The following ANKS1B variants were observed in gnomAD, a reference collection of about 807,000 sequenced individuals.
The protein encoded by ANKS1B is ankyrin repeat and sterile alpha motif domain containing 1B.
A neutral mutation model predicts 148.3 loss-of-function variants in ANKS1B; 36 were observed. That is an observed-to-expected ratio of 0.24 (90% CI 0.19 to 0.32). The LOEUF is 0.32. ANKS1B is among the 10% of genes least tolerant of loss of function. The pLI is 1.00. For missense variants in ANKS1B, 1,157 were observed against 1,542.6 expected, an observed-to-expected ratio of 0.75 and a Z score of 4.19; for synonymous variants, 542 against 560.8, an observed-to-expected ratio of 0.97 and a Z score of 0.47.
At chr12:99,190,063 C>G (rs1450041101) in intron 14 of ANKS1B, among the ~76,000 whole-genome samples, 2 of 152,060 alleles carry the variant, frequency 1.3e-5, no homozygotes, top group Non-Finnish European at 2.9e-5. Flanking sequence ...AACAGAGAGG[C>G]AAATCATAAG....
intron 1 of ANKS1B, among the ~76,000 whole-genome samples, chr12:99,935,355 G>GAT (rs578228603): frequency 1.7e-5 from 1 of 60,324 alleles, no homozygotes; most frequent in Non-Finnish European, 3.8e-5. Context: ...GTAGATGCCT[G>GAT]ACAAAAAAAA....
At chr12:98,975,953 GAGT>G (rs1237399346) in intron 17 of ANKS1B, among the ~76,000 whole-genome samples, 2 of 152,162 alleles carry the variant, frequency 1.3e-5, no homozygotes, top group Non-Finnish European at 2.9e-5. Context: ...ACCACGTGCT[GAGT>G]AATCTACCCC....
chr12:99,805,241 T>C (rs181855845), intron 4 of ANKS1B, among the ~76,000 whole-genome samples: 177 of 41,764 alleles, frequency 4.2e-3, no homozygotes, highest in Admixed American at 0.014. Context: ...AGCCAAGAAA[T>C]AACCATGAAA....
At chr12:99,435,509 T>C (rs574931483) in intron 11 of ANKS1B, among the ~76,000 whole-genome samples, 2 of 152,126 alleles carry the variant, frequency 1.3e-5, no homozygotes, top group East Asian at 3.9e-4. Context: ...ATTTCAATTG[T>C]AGGCAAACAT....
intron 24 of ANKS1B, among the ~76,000 whole-genome samples, chr12:98,776,276 TTA>T (rs2098673418): frequency 6.6e-6 from 1 of 152,218 alleles, no homozygotes; most frequent in African/African-American, 2.4e-5. Context: ...TGTCATGCAT[TTA>T]TGAGTGGCTT....
chr12:99,424,536 A>G (rs2095192842), intron 11 of ANKS1B, among the ~76,000 whole-genome samples: 1 of 151,910 alleles, frequency 6.6e-6, no homozygotes, highest in Non-Finnish European at 1.5e-5. Flanking sequence ...GACAGGTTTG[A>G]AAAAAATAGA....
intron 22 of ANKS1B, among the ~76,000 whole-genome samples, chr12:98,789,557 A>C (rs2098829540): frequency 6.6e-6 from 1 of 152,114 alleles, no homozygotes. Flanking sequence ...TCTAGAAGGC[A>C]ATTTGGGAAT....
intron 9 of ANKS1B, among the ~76,000 whole-genome samples, chr12:99,653,519 T>C (rs2098435240): frequency 6.6e-6 from 1 of 152,168 alleles, no homozygotes; most frequent in Non-Finnish European, 1.5e-5. Context: ...AAAAACTATA[T>C]GTAAAAACTT....
intron 10 of ANKS1B, among the ~76,000 whole-genome samples, chr12:99,462,735 G>A (rs562667986): frequency 1.3e-5 from 2 of 152,162 alleles, no homozygotes; most frequent in Non-Finnish European, 2.9e-5. Flanking sequence ...CCCACTGTTG[G>A]AGATGGGCAT....
chr12:98,894,837 G>C (rs1309520298), intron 17 of ANKS1B: 5 of 981,724 alleles, frequency 5.1e-6, no homozygotes, highest in Non-Finnish European at 6.0e-6. Context: ...GCCGCGCCGC[G>C]CTGCGCCGAG....
chr12:99,602,702 T>C (rs1447975585), intron 9 of ANKS1B, among the ~76,000 whole-genome samples: 1 of 152,040 alleles, frequency 6.6e-6, no homozygotes, highest in Non-Finnish European at 1.5e-5. Context: ...TTTGGCTAAT[T>C]TTAGGGCTTC....
At position 99,743,010 on chromosome 12, in the gene ANKS1B, A is replaced by G. The variant is rs544668070; in HGVS notation, c.1128+29912T>C. ...TCTCTAAACTGGCCAAGAAATCTTG[A>G]TAACAAATTATTTTGACCTCATGAT... On this transcript the variant is annotated intron_variant, in intron 8 of 26. Transcript: ENST00000683438. Among the ~76,000 whole-genome samples the G allele has an allele frequency of 3.3e-4, 51 of 152,306 alleles. 1 individual carries two copies. The highest frequency in any genetic ancestry group is 1.2e-3 in the African/African-American group (51 of 41,560).
intron 9 of ANKS1B, chr12:99,648,451 G>T: frequency 3.1e-6 from 5 of 1,614,162 alleles, no homozygotes; most frequent in Middle Eastern, 1.6e-4. Flanking sequence ...CCGACCAGCT[G>T]CTGTCTGTGA....
chr12:98,992,404 A>C (rs1382666183), intron 17 of ANKS1B, among the ~76,000 whole-genome samples: 1 of 152,104 alleles, frequency 6.6e-6, no homozygotes, highest in Non-Finnish European at 1.5e-5. Context: ...CCCATGTGTC[A>C]AGGGAGGGAG....
chr12:98,789,641 A>C (rs1278358318), intron 22 of ANKS1B, among the ~76,000 whole-genome samples: 1 of 152,158 alleles, frequency 6.6e-6, no homozygotes, highest in African/African-American at 2.4e-5. Context: ...TTCTAAGGAA[A>C]TAATCAAACC....
chr12:98,878,374 A>AAAAGAAAC (rs2099697164), intron 17 of ANKS1B, among the ~76,000 whole-genome samples: 3 of 150,302 alleles, frequency 2.0e-5, no homozygotes, highest in African/African-American at 7.4e-5. Context: ...ACCCTGTCTC[A>AAAAGAAAC]AAACAAACAA....
chr12:99,111,959 A>G (rs1317337693), intron 15 of ANKS1B, among the ~76,000 whole-genome samples: 1 of 152,218 alleles, frequency 6.6e-6, no homozygotes. Context: ...CTGAGCAATT[A>G]CAGCCTTAAA....
intron 12 of ANKS1B, among the ~76,000 whole-genome samples, chr12:99,250,099 T>C (rs1188599320): frequency 1.3e-5 from 2 of 152,302 alleles, no homozygotes; most frequent in Non-Finnish European, 2.9e-5. Context: ...GGGGAGATTG[T>C]GGGCAAGAGC....
chr12:99,658,015 T>C (rs925094425), intron 8 of ANKS1B, among the ~76,000 whole-genome samples: 1 of 151,878 alleles, frequency 6.6e-6, no homozygotes. Flanking sequence ...CAGAGTTCTA[T>C]AGTCAAATGA....
Sources: gnomAD v4.1 joint callset for allele counts (sites outside exome capture counted in the v4.1 genomes callset) on GRCh38, gnomAD v4.1.1 for gene constraint, MANE v1.5 for transcripts, NCBI Gene and HGNC (gene_info 2026-07-23, HGNC 2026-07-21) for gene names.